MYLK: variants seen among roughly 807,000 people sequenced by gnomAD.
MYLK encodes myosin light chain kinase, also known as myosin light chain kinase, smooth muscle.
A neutral mutation model predicts 203.4 loss-of-function variants in MYLK; 106 were observed. That is an observed-to-expected ratio of 0.52 (90% confidence interval 0.45 to 0.61). The LOEUF (loss-of-function observed/expected upper bound fraction) is 0.61. Ranked by LOEUF, MYLK falls within the 20% of genes least tolerant of loss-of-function variation. MYLK has a pLI of 0.00. For synonymous variants in MYLK, 867 were observed against 959.5 expected, an observed-to-expected ratio of 0.90 and a Z score of 1.78; for missense variants, 2,072 against 2,442.3, an observed-to-expected ratio of 0.85 and a Z score of 3.20.
chr3:123,827,582 A>T (rs1318442956), intron 3 of MYLK, among the ~76,000 whole-genome samples: 1 of 150,724 alleles, frequency 6.6e-6, no homozygotes, highest in Non-Finnish European at 1.5e-5. Context: ...TGAAGAAGAA[A>T]TAAAATATTT....
At chr3:123,811,251 C>T (rs11720528) in intron 3 of MYLK, among the ~76,000 whole-genome samples, 26,106 of 152,080 alleles carry the variant, frequency 0.17, 2,848 homozygotes, top group Non-Finnish European at 0.25. Context: ...GTGAGGGAGC[C>T]CTTCCACACA....
At chr3:123,873,943 C>T (rs2032989632) in intron 2 of MYLK, among the ~76,000 whole-genome samples, 2 of 152,010 alleles carry the variant, frequency 1.3e-5, no homozygotes, top group East Asian at 3.9e-4. Flanking sequence ...ATAAACATGA[C>T]AAAATATGTT....
chr3:123,814,947 C>T (rs141023665), intron 3 of MYLK, among the ~76,000 whole-genome samples: 1 of 152,188 alleles, frequency 6.6e-6, no homozygotes, highest in East Asian at 1.9e-4. Context: ...CACCTGACAC[C>T]ATGCCTGGCT....
At chr3:123,701,123 T>A in intron 17 of MYLK, 118 bp from the exon 18 acceptor site, 1 of 1,188,934 alleles carries the variant, frequency 8.4e-7, no homozygotes, top group Non-Finnish European at 1.2e-6. Flanking sequence ...CGGGAGGGGA[T>A]GGGGGAGGCC....
intron 7 of MYLK, among the ~76,000 whole-genome samples, chr3:123,738,678 G>T (rs1453911537): frequency 6.6e-6 from 1 of 152,152 alleles, no homozygotes; most frequent in African/African-American, 2.4e-5. Context: ...ATAAAGAGGA[G>T]TTCCCCTGCA....
chr3:123,860,896 T>C (rs2031833886), intron 2 of MYLK, among the ~76,000 whole-genome samples: 1 of 152,096 alleles, frequency 6.6e-6, no homozygotes, highest in Non-Finnish European at 1.5e-5. Context: ...TTTGGAAAGC[T>C]GAGGAGGGAG....
Position 123,817,724 on chromosome 3 carries a change from C to T in MYLK, c.-4+13824G>A, listed in dbSNP as rs573893588. On this transcript the variant is annotated intron_variant, in intron 3 of 33. Transcript: ENST00000360304. ...GAGGCTGGTGATTACAGGCTGATAG[C>T]GGGTAAGGAACCAAAAATAGGGCAG... 3.3e-5 allele frequency among the ~76,000 whole-genome samples: 5 copies of T among 152,218 alleles called. No individual in the cohort carries two copies. In the South Asian group the frequency reaches 6.2e-4, roughly 19 times the overall value.
chr3:123,666,337 G>A lies in MYLK; in HGVS notation c.3713C>T (p.Pro1238Leu). 2 of 1,614,200 alleles carry A rather than the reference G, an allele frequency of 1.2e-6. No individual in the cohort carries two copies. Among genetic ancestry groups the A allele is most frequent in the Non-Finnish European group, 1.7e-6 (2 of 1,180,046 alleles). Residue 1238 changes from proline to leucine, a missense_variant, in exon 22 of 34, where the codon CCT becomes CTT. Around this residue, in one of 3 missense-constraint regions of MYLK, gnomAD observed 865 missense variants for 1,016.0 expected, o/e 0.85. Transcript: ENST00000360304. ...PKTPPKAAMP[P>L]QIIQFPEDQK... Reference sequence around the variant, plus strand: ...GTCCTCAGGGAACTGGATGATCTGAGGGGGCATTGCTGAGGGAGGACAGGG... The same window carrying A: ...GTCCTCAGGGAACTGGATGATCTGAAGGGGCATTGCTGAGGGAGGACAGGG...
chr3:123,752,681 A>T lies in MYLK; in HGVS notation c.166-143T>A. ...TTCATCCTCATTTTACAGATAAGGAAATCAAGGTACAGAGAGTTTTGGCAA... is the reference window on the plus strand; with the variant it reads ...TTCATCCTCATTTTACAGATAAGGATATCAAGGTACAGAGAGTTTTGGCAA... On this transcript the variant is annotated intron_variant, in intron 4 of 33. Transcript: ENST00000360304. 5.2e-6 allele frequency: 5 copies of T among 952,628 alleles called. No homozygotes were observed. The South Asian group carries it at 7.3e-5, about 14-fold the overall frequency. 59.0% of individuals were successfully genotyped at this position (952,628 alleles called of 1,614,324 possible). A position where few individuals can be genotyped will look rare whatever the true frequency, so the allele number is the denominator to read the frequency against.
chr3:123,793,394 T>C (rs1336436995), intron 4 of MYLK, among the ~76,000 whole-genome samples: 1 of 152,188 alleles, frequency 6.6e-6, no homozygotes, highest in Non-Finnish European at 1.5e-5. Context: ...CTTCTTTTTC[T>C]GTAATTATAT....
chr3:123,701,916 A>C (rs956984092), intron 16 of MYLK, among the ~76,000 whole-genome samples: 1 of 152,364 alleles, frequency 6.6e-6, no homozygotes, highest in Admixed American at 6.5e-5. Context: ...GGGCCTGCCC[A>C]GTGACCTTGA....
chr3:123,646,740 A>G (rs1275213742), intron 27 of MYLK, among the ~76,000 whole-genome samples: 1 of 152,246 alleles, frequency 6.6e-6, no homozygotes, highest in East Asian at 1.9e-4. Context: ...GACCAGGGGC[A>G]TGTGGAGACA....
Position 123,627,086 on chromosome 3 carries a change from A to T in MYLK, c.5115-145T>A, listed in dbSNP as rs184634796. The T allele has an allele frequency of 6.0e-4, 534 of 894,478 alleles. 1 individual carries two copies. The highest frequency in any genetic ancestry group is 2.2e-3 in the Admixed American group (108 of 49,762). 55.4% of individuals were successfully genotyped at this position (894,478 alleles called of 1,614,324 possible). On this transcript the variant is annotated intron_variant, in intron 30 of 33. Transcript: ENST00000360304. ...TCCCGGACCATCCACCGTGATCAGG[A>T]TCACTGTGCTCTTCACCTTTCTCCT...
At chr3:123,646,148 C>G (rs1178061607) in intron 27 of MYLK, among the ~76,000 whole-genome samples, 3 of 151,998 alleles carry the variant, frequency 2.0e-5, no homozygotes, top group African/African-American at 7.3e-5. Context: ...ACAAACAAAC[C>G]AAACTAAAAA....
intron 13 of MYLK, among the ~76,000 whole-genome samples, chr3:123,716,791 A>C (rs2061910265): frequency 6.6e-6 from 1 of 152,148 alleles, no homozygotes; most frequent in Admixed American, 6.5e-5. Context: ...TGGGCTGTAG[A>C]GGTGGAGAGT....
chr3:123,771,809 C>G (rs190596498), intron 4 of MYLK, among the ~76,000 whole-genome samples: 1 of 152,276 alleles, frequency 6.6e-6, no homozygotes, highest in Admixed American at 6.5e-5. Flanking sequence ...TCATCTAACA[C>G]AAGGCCTATT....
intron 2 of MYLK, among the ~76,000 whole-genome samples, chr3:123,842,467 G>A (rs903370498): frequency 2.6e-5 from 4 of 151,776 alleles, no homozygotes; most frequent in Admixed American, 2.0e-4. Context: ...TGTCACCATG[G>A]GCAAAAAAGC....
intron 24 of MYLK, among the ~76,000 whole-genome samples, chr3:123,650,997 G>A (rs77929534): frequency 0.023 from 3,515 of 152,298 alleles, 129 homozygotes; most frequent in African/African-American, 0.076. Flanking sequence ...TGTTGAGAGC[G>A]CCCTGGGTGC....
At chr3:123,764,877 C>A (rs899053038) in intron 4 of MYLK, among the ~76,000 whole-genome samples, 3 of 152,188 alleles carry the variant, frequency 2.0e-5, no homozygotes, top group Admixed American at 1.3e-4. Context: ...ACAGGCATAG[C>A]GCGTCAGAAG....
Sources: allele counts gnomAD v4.1 joint callset (sites outside exome capture counted in the v4.1 genomes callset), GRCh38; gene constraint gnomAD v4.1.1; regional missense constraint gnomAD v4.1.1; transcripts MANE v1.5; gene names NCBI Gene and HGNC (gene_info 2026-07-23, HGNC 2026-07-21).